WWOX: variants seen among roughly 807,000 people sequenced by gnomAD.
WWOX encodes WW domain-containing oxidoreductase.
In WWOX, 69 loss-of-function variants were observed where a neutral mutation model predicts 46.2. That is an observed-to-expected ratio of 1.49 (90% CI 1.23 to 1.82). The LOEUF (loss-of-function observed/expected upper bound fraction) is 1.82. Among genes scored for constraint, WWOX ranks in the 40% most tolerant of loss-of-function variants. The pLI, the probability that WWOX is intolerant of heterozygous loss-of-function variation, is 0.00. For synonymous variants in WWOX, 359 were observed against 202.6 expected (o/e 1.77, Z -6.56); for missense variants, 919 against 542.6 (o/e 1.69, Z -6.89).
intron 8 of WWOX, among the ~76,000 whole-genome samples, chr16:79,186,216 G>A (rs896412146): frequency 6.6e-6 from 1 of 152,198 alleles, no homozygotes; most frequent in Admixed American, 6.5e-5. Context: ...GAATAATTCA[G>A]TGTGTGCTTC....
chr16:78,843,314 G>C (rs1278384726), intron 8 of WWOX, among the ~76,000 whole-genome samples: 1 of 149,822 alleles, frequency 6.7e-6, no homozygotes, highest in Non-Finnish European at 1.5e-5. Context: ...TTACTTTTTG[G>C]GCTGGTAAAG....
intron 1 of WWOX, among the ~76,000 whole-genome samples, chr16:78,107,208 T>A (rs2032199983): frequency 6.6e-6 from 1 of 152,234 alleles, no homozygotes. Flanking sequence ...ACCCTTCGAA[T>A]ACCTCTTGTA....
At chr16:78,400,336 C>T (rs1011195669) in intron 6 of WWOX, among the ~76,000 whole-genome samples, 3 of 152,110 alleles carry the variant, frequency 2.0e-5, no homozygotes, top group African/African-American at 7.2e-5. Context: ...AATAGAAAAG[C>T]AGTGCCTCGA....
chr16:78,836,644 G>A (rs774095243), intron 8 of WWOX, among the ~76,000 whole-genome samples: 11 of 152,178 alleles, frequency 7.2e-5, no homozygotes, highest in Non-Finnish European at 1.6e-4. Context: ...TCCTTGAGGT[G>A]GCTGGCATTA....
intron 8 of WWOX, among the ~76,000 whole-genome samples, chr16:78,800,645 G>T (rs956657350): frequency 3.9e-5 from 6 of 152,172 alleles, no homozygotes; most frequent in Non-Finnish European, 1.5e-5. Context: ...CGGCCAAAGG[G>T]GAAGCTGAGA....
At chr16:78,580,492 A>G (rs951402900) in intron 8 of WWOX, among the ~76,000 whole-genome samples, 1 of 152,200 alleles carries the variant, frequency 6.6e-6, no homozygotes, top group African/African-American at 2.4e-5. Context: ...GACTCCTGGC[A>G]GATGCCCAGA....
At chr16:78,256,631 G>A (rs1355100116) in intron 5 of WWOX, among the ~76,000 whole-genome samples, 1 of 151,956 alleles carries the variant, frequency 6.6e-6, no homozygotes, top group East Asian at 1.9e-4. Context: ...GAAGAATAGT[G>A]TCTGCCAAAT....
At chr16:78,193,787 A>G (rs1319762328) in intron 5 of WWOX, among the ~76,000 whole-genome samples, 1 of 151,706 alleles carries the variant, frequency 6.6e-6, no homozygotes, top group Non-Finnish European at 1.5e-5. Flanking sequence ...GAGAGTGAAG[A>G]CATATCCTTT....
In WWOX at chr16:78,417,527, G is replaced by C. The variant is rs147064153; in HGVS notation, c.606-7343G>C. ...TTAGTACTCAAAAAAGGAAAAAAAAGTATTAATAGCCCTGGAAAAGTGAGC... is the reference window on the plus strand; with the variant it reads ...TTAGTACTCAAAAAAGGAAAAAAAACTATTAATAGCCCTGGAAAAGTGAGC... On this transcript the variant is annotated intron_variant, in intron 6 of 8. Coordinates refer to ENST00000566780, the MANE Select transcript of WWOX (RefSeq NM_016373.4). Among the ~76,000 whole-genome samples, 4 of 152,252 alleles carry C rather than the reference G, an allele frequency of 2.6e-5. No homozygotes were observed. The East Asian group carries it at 5.8e-4, about 22-fold the overall frequency.
At chr16:78,955,234 T>A (rs1397059495) in intron 8 of WWOX, among the ~76,000 whole-genome samples, 1 of 152,138 alleles carries the variant, frequency 6.6e-6, no homozygotes, top group Non-Finnish European at 1.5e-5. Context: ...GGTGCTCAAA[T>A]GATGTTCAGT....
chr16:78,413,791 GGTT>G (rs2082735791), intron 6 of WWOX, among the ~76,000 whole-genome samples: 2 of 152,014 alleles, frequency 1.3e-5, no homozygotes, highest in South Asian at 4.2e-4. Context: ...CCAAAGGACT[GGTT>G]GGCAGGTCTG....
intron 8 of WWOX, among the ~76,000 whole-genome samples, chr16:79,074,919 A>G (rs1296899884): frequency 6.6e-6 from 1 of 152,118 alleles, no homozygotes; most frequent in African/African-American, 2.4e-5. Flanking sequence ...GCCAAAGTGT[A>G]GTATATACAA....
At chr16:78,857,434 C>T (rs913086652) in intron 8 of WWOX, among the ~76,000 whole-genome samples, 2 of 152,018 alleles carry the variant, frequency 1.3e-5, no homozygotes, top group African/African-American at 4.8e-5. Flanking sequence ...GGAATAGAAC[C>T]TTTTTTTCCA....
intron 6 of WWOX, among the ~76,000 whole-genome samples, chr16:78,391,891 C>T (rs1306786471): frequency 6.6e-6 from 1 of 152,058 alleles, no homozygotes; most frequent in African/African-American, 2.4e-5. Flanking sequence ...AGAAACATTT[C>T]TTTTGTGCCT....
At chr16:78,310,541 G>A (rs1311723738) in intron 5 of WWOX, among the ~76,000 whole-genome samples, 4 of 152,234 alleles carry the variant, frequency 2.6e-5, no homozygotes, top group Admixed American at 2.0e-4. Flanking sequence ...TGAATGTACA[G>A]TAAGACTTAG....
At chr16:78,454,951 C>G (rs1394940889) in intron 8 of WWOX, among the ~76,000 whole-genome samples, 2 of 152,228 alleles carry the variant, frequency 1.3e-5, no homozygotes, top group African/African-American at 2.4e-5. Context: ...GTGCTCCCCT[C>G]TGATAAATGT....
chr16:78,917,637 T>C (rs530731239), intron 8 of WWOX, among the ~76,000 whole-genome samples: 225 of 152,256 alleles, frequency 1.5e-3, no homozygotes, highest in African/African-American at 4.8e-3. Context: ...TTCCCACTCA[T>C]TGCCCTTATA....
At chr16:78,884,868 T>C (rs2044420722) in intron 8 of WWOX, among the ~76,000 whole-genome samples, 1 of 152,202 alleles carries the variant, frequency 6.6e-6, no homozygotes, top group African/African-American at 2.4e-5. Context: ...GTTGAGAGAA[T>C]TAAAGGAAAT....
At chr16:79,010,552 A>G (rs1306355814) in intron 8 of WWOX, among the ~76,000 whole-genome samples, 2 of 152,206 alleles carry the variant, frequency 1.3e-5, no homozygotes, top group Non-Finnish European at 2.9e-5. Context: ...AGGTGTGGCA[A>G]AGAAACAGAC....
Sources: allele counts gnomAD v4.1 joint callset (sites outside exome capture counted in the v4.1 genomes callset), GRCh38; gene constraint gnomAD v4.1.1; transcripts MANE v1.5; gene names NCBI Gene and HGNC (gene_info 2026-07-23, HGNC 2026-07-21).